Variants in RAB40C observed in about 807,000 individuals in gnomAD.
RAB40C encodes the protein ras-related protein Rab-40C.
Under a neutral mutation model 28.1 loss-of-function variants are expected in RAB40C, and 8 were observed. That is an observed-to-expected ratio of 0.28 (90% CI 0.17 to 0.51). RAB40C has a LOEUF of 0.51. Ranked by LOEUF, RAB40C falls within the 20% of genes least tolerant of loss-of-function variation. The probability of loss-of-function intolerance (pLI) is 0.97; values close to 1 mark genes in which losing one functional copy is unlikely to be tolerated. For synonymous variants in RAB40C, 201 were observed against 171.7 expected, an observed-to-expected ratio of 1.17 and a Z score of -1.34; for missense variants, 288 against 405.9, an observed-to-expected ratio of 0.71 and a Z score of 2.50.
Position 590,446 on chromosome 16 carries a change from C to G in RAB40C, c.142+13C>G. ...GCCTACAGTAACGGTAAGGCCCGGC[C>G]CGCGGCGCGCGCTGCTACGCGGGGC... On this transcript the variant is annotated intron_variant, in intron 1 of 5. Coordinates refer to ENST00000248139, the MANE Select transcript of RAB40C (RefSeq NM_021168.5). 1 of 1,566,004 alleles carries G rather than the reference C, an allele frequency of 6.4e-7. No individual in the cohort carries two copies. Among genetic ancestry groups the G allele is most frequent in the Non-Finnish European group, 8.6e-7 (1 of 1,159,498 alleles).
At chr16:607,511 A>C (rs1307492532) in intron 1 of RAB40C, among the ~76,000 whole-genome samples, 4 of 151,580 alleles carry the variant, frequency 2.6e-5, no homozygotes, top group Non-Finnish European at 4.4e-5. Context: ...CAAAAAAAAA[A>C]AAAAACGGGG....
At chr16:621,499 C>T (rs571236913) in intron 3 of RAB40C, among the ~76,000 whole-genome samples, 15 of 152,376 alleles carry the variant, frequency 9.8e-5, no homozygotes, top group African/African-American at 3.4e-4. Flanking sequence ...TCCCCGCTGC[C>T]GTCACCTGTC....
intron 1 of RAB40C, among the ~76,000 whole-genome samples, chr16:613,552 C>T (rs910762169): frequency 2.0e-5 from 3 of 152,356 alleles, no homozygotes; most frequent in East Asian, 1.9e-4. Context: ...GATCGTGGTG[C>T]GGTGGTGGCT....
intron 3 of RAB40C, chr16:624,542 C>G (rs1295266124): frequency 1.0e-6 from 1 of 985,230 alleles, no homozygotes. Flanking sequence ...TTCCAGATAT[C>G]GAAAGATGGT....
intron 1 of RAB40C, among the ~76,000 whole-genome samples, chr16:590,668 C>G (rs2035973434): frequency 6.6e-6 from 1 of 152,218 alleles, no homozygotes; most frequent in Admixed American, 6.5e-5. Flanking sequence ...GGGACGGTGC[C>G]ATGGACCCGG....
intron 1 of RAB40C, among the ~76,000 whole-genome samples, chr16:599,142 T>C (rs1221376745): frequency 6.6e-6 from 1 of 152,194 alleles, no homozygotes; most frequent in African/African-American, 2.4e-5. Flanking sequence ...CGAGGTGCTG[T>C]GTTTCGGTCC....
intron 1 of RAB40C, among the ~76,000 whole-genome samples, chr16:600,494 T>C (rs898874488): frequency 1.3e-5 from 2 of 152,220 alleles, no homozygotes; most frequent in Admixed American, 1.3e-4. Context: ...GGCTCACGCC[T>C]GTGATCCCAG....
intron 1 of RAB40C, among the ~76,000 whole-genome samples, chr16:602,528 G>A (rs138736579): frequency 2.0e-5 from 3 of 152,216 alleles, no homozygotes; most frequent in African/African-American, 7.2e-5. Context: ...TGCCTCCTGG[G>A]TTCAAGCCTC....
intron 3 of RAB40C, chr16:624,116 G>T: frequency 1.0e-6 from 1 of 985,406 alleles, no homozygotes; most frequent in Non-Finnish European, 1.2e-6. Context: ...TTTAATTTGT[G>T]TCTGGCTTGT....
At chr16:604,994 G>C (rs1596403792) in intron 1 of RAB40C, among the ~76,000 whole-genome samples, 4 of 152,256 alleles carry the variant, frequency 2.6e-5, no homozygotes, top group Admixed American at 2.6e-4. Flanking sequence ...GGAGGCGGAG[G>C]TTGGAGTGAG....
intron 5 of RAB40C, among the ~76,000 whole-genome samples, chr16:626,347 G>A (rs974744138): frequency 1.5e-4 from 23 of 152,302 alleles, no homozygotes; most frequent in Non-Finnish European, 2.2e-4. Context: ...CCCCCCTCAG[G>A]GTGCCGCCGT....
rs1025239509 is a variant in RAB40C, at chr16:629,164, C to G, written c.*1542C>G. The G allele has an allele frequency of 2.9e-5, 6 of 206,702 alleles. No homozygotes were observed. The highest frequency in any genetic ancestry group is 1.4e-4 in the African/African-American group (6 of 44,024). 12.8% of individuals were successfully genotyped at this position (206,702 alleles called of 1,614,324 possible). Reference sequence around the variant, plus strand: ...ACAGACTTTGAGGACCTGGATGGTCCTGCATTCACGGCATCAACACTACCC... The same window carrying G: ...ACAGACTTTGAGGACCTGGATGGTCGTGCATTCACGGCATCAACACTACCC... On this transcript the variant is annotated 3_prime_UTR_variant, in exon 6 of 6. Coordinates refer to ENST00000248139, the MANE Select transcript of RAB40C (RefSeq NM_021168.5).
At chr16:594,639 GGCT>G (rs951629334) in intron 1 of RAB40C, among the ~76,000 whole-genome samples, 7 of 152,114 alleles carry the variant, frequency 4.6e-5, no homozygotes, top group African/African-American at 1.7e-4. Flanking sequence ...ATGTGTCGTC[GGCT>G]GCTTATCCCC....
At chr16:622,219 G>A (rs747441319) in intron 3 of RAB40C, among the ~76,000 whole-genome samples, 2 of 147,476 alleles carry the variant, frequency 1.4e-5, no homozygotes, top group Admixed American at 6.7e-5. Flanking sequence ...CGTGTAGGTC[G>A]AGTTGATCAA....
Position 625,412 on chromosome 16 carries a change from C to G in RAB40C, c.265-20C>G, listed in dbSNP as rs779717992. 3 of 1,611,620 alleles carry G rather than the reference C, an allele frequency of 1.9e-6. No individual in the cohort carries two copies. Among genetic ancestry groups the G allele is most frequent in the Non-Finnish European group, 2.5e-6 (3 of 1,178,606 alleles). On this transcript the variant is annotated intron_variant, in intron 3 of 5. Coordinates refer to ENST00000248139, the MANE Select transcript of RAB40C (RefSeq NM_021168.5). ...CATGCGTGTCAGTGACCCCTGATGA[C>G]CCCCAAGTCTCTGTTGCAGGGGATC...
chr16:605,187 T>C (rs1245170914), intron 1 of RAB40C, among the ~76,000 whole-genome samples: 1 of 152,228 alleles, frequency 6.6e-6, no homozygotes, highest in Non-Finnish European at 1.5e-5. Flanking sequence ...ATTGTTCCGC[T>C]GCACTCCAGC....
intron 1 of RAB40C, among the ~76,000 whole-genome samples, chr16:602,092 C>T (rs1431619199): frequency 6.6e-6 from 1 of 152,174 alleles, no homozygotes; most frequent in African/African-American, 2.4e-5. Context: ...CACCACTGCA[C>T]TCCAGCCTGG....
chr16:618,100 G>A (rs1411310894), intron 2 of RAB40C, 100 bp from the exon 3 acceptor site: 12 of 1,161,196 alleles, frequency 1.0e-5, no homozygotes, highest in Middle Eastern at 2.5e-4. Flanking sequence ...TGGCCGCCCC[G>A]CTCCCCTCAG....
chr16:624,657 G>T, intron 3 of RAB40C: 1 of 985,474 alleles, frequency 1.0e-6, no homozygotes, highest in Non-Finnish European at 1.2e-6. Flanking sequence ...GGTTTTGTCA[G>T]CCTAGGAGTA....
Sources: allele counts gnomAD v4.1 joint callset (sites outside exome capture counted in the v4.1 genomes callset), GRCh38; gene constraint gnomAD v4.1.1; transcripts MANE v1.5; gene names NCBI Gene and HGNC (gene_info 2026-07-23, HGNC 2026-07-21).